The following RELCH variants were observed in gnomAD, a reference collection of about 807,000 sequenced individuals.
RELCH encodes RAB11-binding protein RELCH.
Under a neutral mutation model 150.3 loss-of-function variants are expected in RELCH, and 41 were observed. The ratio of observed to expected loss-of-function variants is 0.27; its 90% CI spans 0.21 to 0.35. The LOEUF (loss-of-function observed/expected upper bound fraction) is 0.35, where lower values mean the gene tolerates loss of function less well. RELCH is among the 10% of genes least tolerant of loss of function. The pLI is 1.00. For synonymous variants in RELCH, 478 were observed against 531.8 expected, an observed-to-expected ratio of 0.90 and a Z score of 1.39; for missense variants, 1,092 against 1,467.8, an observed-to-expected ratio of 0.74 and a Z score of 4.18.
chr18:62,286,271 T>G (rs1213252523), intron 25 of RELCH, among the ~76,000 whole-genome samples: 1 of 152,298 alleles, frequency 6.6e-6, no homozygotes, highest in East Asian at 1.9e-4. Flanking sequence ...TGCCAATTAA[T>G]GAAGCTTTCA....
intron 20 of RELCH, among the ~76,000 whole-genome samples, chr18:62,272,411 G>A (rs1383087168): frequency 1.3e-5 from 2 of 152,020 alleles, no homozygotes; most frequent in Non-Finnish European, 2.9e-5. Flanking sequence ...AACAAGGTTT[G>A]GCTCATAATA....
chr18:62,304,409 A>T (rs985870264), intron 28 of RELCH, among the ~76,000 whole-genome samples: 2 of 152,202 alleles, frequency 1.3e-5, no homozygotes, highest in African/African-American at 4.8e-5. Context: ...GCACACCCTT[A>T]TAGACTACAT....
At chr18:62,281,630 T>A (rs908063386) in intron 24 of RELCH, among the ~76,000 whole-genome samples, 1 of 152,204 alleles carries the variant, frequency 6.6e-6, no homozygotes, top group Non-Finnish European at 1.5e-5. Flanking sequence ...CTTATACAAA[T>A]GAAAAAACCC....
At chr18:62,226,234 G>A (rs1464931121) in intron 5 of RELCH, among the ~76,000 whole-genome samples, 2 of 152,010 alleles carry the variant, frequency 1.3e-5, no homozygotes, top group East Asian at 1.9e-4. Flanking sequence ...GTATTTACGT[G>A]CAATTGATTA....
At chr18:62,229,485 G>GGTGTGTGTGTGTGTGTGTGTGTGTGT (rs58842870) in intron 8 of RELCH, among the ~76,000 whole-genome samples, 4 of 143,322 alleles carry the variant, frequency 2.8e-5, no homozygotes, top group African/African-American at 1.0e-4. Context: ...GTATAGTAGG[G>GGTGTGTGTGTGTGTGTGTGTGTGTGT]GTGTGTGTGT....
rs890787636 is a variant in RELCH at position 62,208,327 on chromosome 18, T to A, written c.527-2826T>A. Among the ~76,000 whole-genome samples, 7 of 151,024 alleles carry A rather than the reference T, an allele frequency of 4.6e-5. No individual in the cohort carries two copies. The Admixed American group carries it at 4.7e-4, about 10-fold the overall frequency. Reference sequence around the variant, plus strand: ...ATTTCTTCCATTGTGTAGATTGTGTTTTCACTTTCTTCATGGTGACTTTTA... The same window carrying A: ...ATTTCTTCCATTGTGTAGATTGTGTATTCACTTTCTTCATGGTGACTTTTA... On this transcript the variant is annotated intron_variant, in intron 1 of 28. Coordinates refer to ENST00000644646, the MANE Select transcript of RELCH (RefSeq NM_001346231.2).
At chr18:62,195,306 G>A (rs2038953945) in intron 1 of RELCH, among the ~76,000 whole-genome samples, 2 of 151,866 alleles carry the variant, frequency 1.3e-5, no homozygotes, top group African/African-American at 2.4e-5. Flanking sequence ...GTGTGTGTGT[G>A]TGTGTGTATA....
chr18:62,272,838 C>G (rs1425626954), intron 20 of RELCH, among the ~76,000 whole-genome samples: 2 of 151,870 alleles, frequency 1.3e-5, no homozygotes, highest in Non-Finnish European at 1.5e-5. Context: ...AGCTTGTTTT[C>G]CAAAGTTATG....
At chr18:62,215,908 A>G (rs2040446631) in intron 2 of RELCH, among the ~76,000 whole-genome samples, 1 of 152,200 alleles carries the variant, frequency 6.6e-6, no homozygotes, top group Non-Finnish European at 1.5e-5. Flanking sequence ...TAAAATTTTA[A>G]AAACTTTTTT....
chr18:62,217,130 A>G (rs1301044469), intron 2 of RELCH, among the ~76,000 whole-genome samples: 1 of 152,052 alleles, frequency 6.6e-6, no homozygotes, highest in Non-Finnish European at 1.5e-5. Context: ...AAAAGTGATT[A>G]TATGTTCATT....
At chr18:62,192,037 C>T (rs2038682608) in intron 1 of RELCH, among the ~76,000 whole-genome samples, 1 of 152,212 alleles carries the variant, frequency 6.6e-6, no homozygotes, top group African/African-American at 2.4e-5. Flanking sequence ...TCCTATTTCT[C>T]TGCAACCTCT....
At chr18:62,191,927 G>T (rs2038674432) in intron 1 of RELCH, among the ~76,000 whole-genome samples, 1 of 152,122 alleles carries the variant, frequency 6.6e-6, no homozygotes, top group South Asian at 2.1e-4. Flanking sequence ...GGGATTGCTG[G>T]GTCAAATGGT....
intron 1 of RELCH, among the ~76,000 whole-genome samples, chr18:62,198,999 T>C (rs531284511): frequency 7.9e-5 from 12 of 151,784 alleles, no homozygotes; most frequent in African/African-American, 2.4e-4. Context: ...TTTATTCTAC[T>C]CACATTGTTT....
At chr18:62,231,164 A>G in intron 8 of RELCH, 30 bp from the exon 9 acceptor site, 6 of 1,347,198 alleles carry the variant, frequency 4.5e-6, no homozygotes, top group Non-Finnish European at 5.3e-6. Context: ...ATTATTTGAT[A>G]TTGTCTCTTT....
chr18:62,248,673 T>G (rs949058664), intron 11 of RELCH, among the ~76,000 whole-genome samples: 2 of 152,198 alleles, frequency 1.3e-5, no homozygotes, highest in African/African-American at 4.8e-5. Context: ...TAAAAAATGT[T>G]TATGCTTTAT....
At chr18:62,275,757 T>C (rs2044175013) in intron 22 of RELCH, among the ~76,000 whole-genome samples, 2 of 152,212 alleles carry the variant, frequency 1.3e-5, no homozygotes, top group Non-Finnish European at 2.9e-5. Context: ...TTCTAACTTA[T>C]ATAACTCTTT....
At chr18:62,276,123 G>A (rs905597008) in intron 22 of RELCH, among the ~76,000 whole-genome samples, 1 of 152,120 alleles carries the variant, frequency 6.6e-6, no homozygotes, top group African/African-American at 2.4e-5. Context: ...TAGGTGGGGA[G>A]CAGTGAGGTT....
At position 62,266,666 on chromosome 18, in the gene RELCH, T is replaced by G. The variant is rs373229143; in HGVS notation, c.2632-35T>G. The G allele has an allele frequency of 1.3e-5, 19 of 1,480,642 alleles. No individual in the cohort carries two copies. In the African/African-American group the frequency reaches 2.5e-4, roughly 20 times the overall value. The allele number at this position is 1,480,642 out of a possible 1,614,324, so 91.7% of individuals were successfully genotyped here. On this transcript the variant is annotated intron_variant, in intron 18 of 28. Coordinates refer to ENST00000644646, the MANE Select transcript of RELCH (RefSeq NM_001346231.2). ...ATTTAATCAATTTGCCCATTGAACC[T>G]GAGACTTTTTGAATCTTCTCTTTGG...
intron 24 of RELCH, 82 bp downstream of exon 24, chr18:62,280,791 G>T: frequency 1.1e-6 from 1 of 920,310 alleles, no homozygotes; most frequent in Non-Finnish European, 1.7e-6. Context: ...GCTGCAGGGA[G>T]CATCTTACCT....
Sources: allele counts gnomAD v4.1 joint callset (sites outside exome capture counted in the v4.1 genomes callset), GRCh38; gene constraint gnomAD v4.1.1; transcripts MANE v1.5; gene names NCBI Gene and HGNC (gene_info 2026-07-23, HGNC 2026-07-21).